The following TMEM132C variants were observed in gnomAD, a reference collection of about 807,000 sequenced individuals.
TMEM132C encodes the protein protein phosphatase 1, regulatory subunit 152.
A neutral mutation model predicts 61.4 loss-of-function variants in TMEM132C; 29 were observed. The observed-to-expected ratio is 0.47, with a 90% CI of 0.35 to 0.64. TMEM132C has a LOEUF of 0.64. Ranked by LOEUF, TMEM132C falls within the 30% of genes least tolerant of loss-of-function variation. The pLI, the probability that TMEM132C is intolerant of heterozygous loss-of-function variation, is 0.00. For synonymous variants in TMEM132C, 656 were observed against 633.1 expected, an observed-to-expected ratio of 1.04 and a Z score of -0.54; for missense variants, 1,408 against 1,476.9, an observed-to-expected ratio of 0.95 and a Z score of 0.76.
chr12:128,365,934 A>G (rs1333867243), intron 1 of TMEM132C, among the ~76,000 whole-genome samples: 1 of 152,144 alleles, frequency 6.6e-6, no homozygotes, highest in African/African-American at 2.4e-5. Context: ...GGGTGAAAGG[A>G]AGGGCCACTT....
At chr12:128,564,528 A>C (rs1338441652) in intron 3 of TMEM132C, among the ~76,000 whole-genome samples, 1 of 152,190 alleles carries the variant, frequency 6.6e-6, no homozygotes, top group African/African-American at 2.4e-5. Context: ...TTCCAGTTCA[A>C]CCATGATGTT....
At chr12:128,562,323 G>C (rs1874552170) in intron 3 of TMEM132C, among the ~76,000 whole-genome samples, 1 of 152,184 alleles carries the variant, frequency 6.6e-6, no homozygotes, top group South Asian at 2.1e-4. Flanking sequence ...CTTTAAATTG[G>C]CCCTTCAGAC....
chr12:128,578,678 A>G (rs1875216092), intron 3 of TMEM132C, among the ~76,000 whole-genome samples: 1 of 151,948 alleles, frequency 6.6e-6, no homozygotes, highest in Admixed American at 6.6e-5. Flanking sequence ...GCTCACTGCA[A>G]TCTCCGCCTC....
At chr12:128,358,802 G>A (rs181747339) in intron 1 of TMEM132C, among the ~76,000 whole-genome samples, 97 of 152,110 alleles carry the variant, frequency 6.4e-4, no homozygotes, top group African/African-American at 1.1e-3. Context: ...TTTGAATTGC[G>A]CACACAGGCT....
intron 1 of TMEM132C, among the ~76,000 whole-genome samples, chr12:128,286,257 A>G (rs1015603213): frequency 1.3e-5 from 2 of 150,996 alleles, no homozygotes; most frequent in African/African-American, 2.4e-5. Context: ...CTTAGCTTAT[A>G]CGTGAACATT....
At chr12:128,316,793 T>G (rs1384035815) in intron 1 of TMEM132C, among the ~76,000 whole-genome samples, 1 of 152,184 alleles carries the variant, frequency 6.6e-6, no homozygotes, top group African/African-American at 2.4e-5. Flanking sequence ...TGACCACAGG[T>G]ACAGAATTGG....
At chr12:128,472,391 T>C (rs1161884981) in intron 2 of TMEM132C, among the ~76,000 whole-genome samples, 1 of 152,138 alleles carries the variant, frequency 6.6e-6, no homozygotes, top group African/African-American at 2.4e-5. Context: ...CCATGCAAGA[T>C]TGGGAAATAT....
chr12:128,701,774 C>A lies in TMEM132C; in HGVS notation c.2122-3316C>A, dbSNP rs146068069. Among the ~76,000 whole-genome samples, 76 of 152,284 alleles carry A rather than the reference C, an allele frequency of 5.0e-4. No individual in the cohort carries two copies. The East Asian group carries it at 0.012, about 24-fold the overall frequency. ...CCACTGCAGTAATTCTCTCCTTGAACATGTCTCATCTGCTGTTCGAACCAC... is the reference window on the plus strand; with the variant it reads ...CCACTGCAGTAATTCTCTCCTTGAAAATGTCTCATCTGCTGTTCGAACCAC... On this transcript the variant is annotated intron_variant, in intron 8 of 8. Transcript: ENST00000435159.
Position 128,537,977 on chromosome 12 carries a change from C to G in TMEM132C, c.975-5980C>G, listed in dbSNP as rs374019551. Among the ~76,000 whole-genome samples, 11 of 152,274 alleles carry G rather than the reference C, an allele frequency of 7.2e-5. No homozygotes were observed. The South Asian group carries it at 2.1e-3, about 29-fold the overall frequency. ...ATTTACTTTTTAAGACAGGGTCTTA[C>G]TCTGTTGCCCAGGCTGGAGTGTAGC... On this transcript the variant is annotated intron_variant, in intron 2 of 8. Transcript: ENST00000435159.
chr12:128,639,394 A>G (rs973673387), intron 4 of TMEM132C, among the ~76,000 whole-genome samples: 1 of 118,156 alleles, frequency 8.5e-6, no homozygotes, highest in Non-Finnish European at 1.8e-5. Flanking sequence ...AAAGATGACA[A>G]TGATGATGGT....
intron 1 of TMEM132C, among the ~76,000 whole-genome samples, chr12:128,271,267 T>TATAATAATAATAATA (rs72149112): frequency 1.4e-5 from 2 of 143,032 alleles, no homozygotes; most frequent in Non-Finnish European, 3.0e-5. Flanking sequence ...ATAATAATAA[T>TATAATAATAATAATA]ATAATAATAA....
At chr12:128,573,176 A>G (rs1233399969) in intron 3 of TMEM132C, among the ~76,000 whole-genome samples, 1 of 152,214 alleles carries the variant, frequency 6.6e-6, no homozygotes, top group East Asian at 1.9e-4. Context: ...GGCACTACTC[A>G]CAATAGCAAA....
Position 128,581,666 on chromosome 12 carries a change from C to T in TMEM132C, c.1122-34486C>T, listed in dbSNP as rs187014564. 2.3e-3 allele frequency among the ~76,000 whole-genome samples: 348 copies of T among 152,286 alleles called. 3 individuals are homozygous for T. The highest frequency in any genetic ancestry group is 4.6e-3 in the Non-Finnish European group (310 of 68,034). On this transcript the variant is annotated intron_variant, in intron 3 of 8. Transcript: ENST00000435159. The stretch of plus-strand genomic sequence containing the variant: ...CGTTTCAGAGCCAGGCAGCTGATGT[C>T]GATTTGCCTGACTTCTCATCTTCTC...
chr12:128,328,786 T>TAAA (rs71069557), intron 1 of TMEM132C, among the ~76,000 whole-genome samples: 16 of 94,230 alleles, frequency 1.7e-4, no homozygotes, highest in African/African-American at 5.8e-4. Flanking sequence ...GATTCTGTCT[T>TAAA]AAAAAAAAAA....
chr12:128,328,476 C>T (rs1220355523), intron 1 of TMEM132C, among the ~76,000 whole-genome samples: 1 of 152,040 alleles, frequency 6.6e-6, no homozygotes, highest in South Asian at 2.1e-4. Context: ...GCGAAATTAA[C>T]TGTGGTTTTT....
At chr12:128,606,679 A>T (rs1186778934) in intron 3 of TMEM132C, among the ~76,000 whole-genome samples, 2 of 152,168 alleles carry the variant, frequency 1.3e-5, no homozygotes, top group Non-Finnish European at 2.9e-5. Flanking sequence ...GTGACAGTGC[A>T]ATCACTTGCT....
At chr12:128,703,266 T>A (rs1205946579) in intron 8 of TMEM132C, among the ~76,000 whole-genome samples, 1 of 152,126 alleles carries the variant, frequency 6.6e-6, no homozygotes. Context: ...CTAGTACCCA[T>A]TAGTTATTAT....
At chr12:128,562,560 C>T (rs561494042) in intron 3 of TMEM132C, among the ~76,000 whole-genome samples, 4 of 152,198 alleles carry the variant, frequency 2.6e-5, no homozygotes, top group African/African-American at 7.2e-5. Flanking sequence ...CCTCATTCAT[C>T]ATGTCTTTAA....
chr12:128,416,589 A>G lies in TMEM132C; in HGVS notation c.974+969A>G, dbSNP rs184781650. On this transcript the variant is annotated intron_variant, in intron 2 of 8. Transcript: ENST00000435159. ...CTTGGAAAAATATTTGCAAGCTAGA[A>G]TGATAGCCTATCATAGCATATTTCA... 1.6e-3 allele frequency among the ~76,000 whole-genome samples: 241 copies of G among 152,336 alleles called. 2 individuals carry two copies. Among genetic ancestry groups the G allele is most frequent in the African/African-American group, 5.6e-3 (232 of 41,574 alleles).
Sources: allele counts gnomAD v4.1 joint callset (sites outside exome capture counted in the v4.1 genomes callset), GRCh38; gene constraint gnomAD v4.1.1; transcripts MANE v1.5; gene names NCBI Gene and HGNC (gene_info 2026-07-23, HGNC 2026-07-21).